The following LUZP2 variants were observed in gnomAD, a reference collection of about 807,000 sequenced individuals.
LUZP2 encodes leucine zipper protein 2.
LUZP2 carries 52 observed loss-of-function variants against 51.6 expected under a neutral mutation model. That is an observed-to-expected ratio of 1.01 (90% CI 0.81 to 1.27). The LOEUF is 1.27. Among genes scored for constraint, LUZP2 ranks in the 50% most tolerant of loss-of-function variants. The probability of loss-of-function intolerance (pLI) is 0.00; values close to 1 mark genes in which losing one functional copy is unlikely to be tolerated. For missense variants in LUZP2, 436 were observed against 395.4 expected, an observed-to-expected ratio of 1.10 and a Z score of -0.87; for synonymous variants, 154 against 137.3, an observed-to-expected ratio of 1.12 and a Z score of -0.85.
chr11:24,751,910 C>CA (rs1415498495), intron 4 of LUZP2, among the ~76,000 whole-genome samples: 5 of 151,522 alleles, frequency 3.3e-5, no homozygotes, highest in South Asian at 4.2e-4. Context: ...AAAAACAAAA[C>CA]AAAAAATCAT....
At chr11:24,813,308 T>C (rs1850075278) in intron 5 of LUZP2, among the ~76,000 whole-genome samples, 1 of 152,192 alleles carries the variant, frequency 6.6e-6, no homozygotes, top group Non-Finnish European at 1.5e-5. Context: ...TGTTGTTGCA[T>C]TGCTGTAAAG....
intron 8 of LUZP2, among the ~76,000 whole-genome samples, chr11:24,979,267 T>G (rs1855960882): frequency 6.6e-6 from 1 of 151,780 alleles, no homozygotes; most frequent in Admixed American, 6.6e-5. Flanking sequence ...TCACGCCTTT[T>G]AGTAACTATA....
At position 24,742,056 on chromosome 11, in the gene LUZP2, A is replaced by ATT. The variant is rs1491138765; in HGVS notation, c.333+3755_333+3756dup. On this transcript the variant is annotated intron_variant, in intron 4 of 11. Transcript: ENST00000336930. ...ATATAAATACATAAAAATAAATATA[A>ATT]TTATATATATATATATATATCACCA... Among the ~76,000 whole-genome samples, 32 of 81,132 alleles carry ATT rather than the reference A, an allele frequency of 3.9e-4. 2 individuals carry two copies. In the South Asian group the frequency reaches 4.3e-3, roughly 11 times the overall value. The allele number at this position is 81,132 out of a possible 152,430, so 53.2% of individuals were successfully genotyped here.
intron 9 of LUZP2, among the ~76,000 whole-genome samples, chr11:24,998,577 A>T (rs1228352778): frequency 4.6e-5 from 7 of 152,192 alleles, no homozygotes; most frequent in Non-Finnish European, 8.8e-5. Context: ...ACAGAACATG[A>T]TATTCAGGAA....
At chr11:24,891,929 G>C in intron 5 of LUZP2, 2 of 985,562 alleles carry the variant, frequency 2.0e-6, no homozygotes, top group Non-Finnish European at 2.4e-6. Context: ...TGGAAAAGAG[G>C]TGAAAAATGG....
At chr11:24,645,390 G>T (rs989231592) in intron 1 of LUZP2, among the ~76,000 whole-genome samples, 3 of 152,062 alleles carry the variant, frequency 2.0e-5, no homozygotes, top group Non-Finnish European at 4.4e-5. Context: ...ATATGGTATT[G>T]AATTATATGG....
At chr11:24,791,298 C>T (rs936698155) in intron 5 of LUZP2, among the ~76,000 whole-genome samples, 2 of 152,108 alleles carry the variant, frequency 1.3e-5, no homozygotes, top group African/African-American at 4.8e-5. Flanking sequence ...AAATCTTATT[C>T]AAAGTCAGAT....
chr11:24,729,146 C>T (rs773629569), intron 1 of LUZP2, 23 bp from the exon 2 acceptor site: 1 of 1,342,532 alleles, frequency 7.4e-7, no homozygotes, highest in Admixed American at 2.2e-5. Flanking sequence ...GGGGGGCTCT[C>T]ATGCCTGTTC....
At chr11:24,594,284 G>A (rs1472448684) in intron 1 of LUZP2, among the ~76,000 whole-genome samples, 1 of 152,144 alleles carries the variant, frequency 6.6e-6, no homozygotes. Flanking sequence ...ATCTTGGGCA[G>A]TGTTTTGACA....
At position 24,907,071 on chromosome 11, in the gene LUZP2, G is replaced by A. The variant is rs185386649; in HGVS notation, c.459+1018G>A. Among the ~76,000 whole-genome samples the A allele has an allele frequency of 3.1e-4, 47 of 152,248 alleles. 1 individual carries two copies. Among genetic ancestry groups the A allele is most frequent in the African/African-American group, 1.1e-3 (45 of 41,560 alleles). On this transcript the variant is annotated intron_variant, in intron 6 of 11. Coordinates refer to ENST00000336930, the MANE Select transcript of LUZP2 (RefSeq NM_001009909.4). ...CTCTTCCAGCAGGAAGGAAAGGGAA[G>A]ATAACCTGGTGAAGCACAAGCGTTG...
chr11:24,925,947 G>T (rs1173492114), intron 7 of LUZP2, among the ~76,000 whole-genome samples: 1 of 151,770 alleles, frequency 6.6e-6, no homozygotes, highest in Admixed American at 6.6e-5. Context: ...TTATGCATTT[G>T]CATCCTCCTA....
At chr11:25,016,764 A>C (rs1857172057) in intron 9 of LUZP2, among the ~76,000 whole-genome samples, 1 of 152,040 alleles carries the variant, frequency 6.6e-6, no homozygotes, top group Admixed American at 6.6e-5. Flanking sequence ...TCATATGATG[A>C]CTTTTTTTTC....
intron 1 of LUZP2, among the ~76,000 whole-genome samples, chr11:24,649,441 C>T (rs913959503): frequency 1.3e-5 from 2 of 151,952 alleles, no homozygotes; most frequent in South Asian, 2.1e-4. Flanking sequence ...ATGAAGTCCA[C>T]TTGAGTTTTA....
chr11:24,634,703 C>T (rs1389481820), intron 1 of LUZP2, among the ~76,000 whole-genome samples: 1 of 151,532 alleles, frequency 6.6e-6, no homozygotes, highest in East Asian at 1.9e-4. Context: ...ATTCTGTTTA[C>T]TCGTTTGCAT....
At chr11:24,972,809 G>A (rs1214934469) in intron 7 of LUZP2, among the ~76,000 whole-genome samples, 1 of 147,864 alleles carries the variant, frequency 6.8e-6, no homozygotes, top group Non-Finnish European at 1.5e-5. Flanking sequence ...TTTTTGATGT[G>A]CTGCTGGATT....
At chr11:24,892,375 C>T in intron 5 of LUZP2, 1 of 985,108 alleles carries the variant, frequency 1.0e-6, no homozygotes, top group Non-Finnish European at 1.2e-6. Context: ...CCTAAAAGTT[C>T]TTACAACTCT....
intron 5 of LUZP2, among the ~76,000 whole-genome samples, chr11:24,773,705 C>T (rs1167740621): frequency 1.3e-5 from 2 of 152,100 alleles, no homozygotes; most frequent in Non-Finnish European, 2.9e-5. Context: ...ACACATGTCT[C>T]ATGTCTCAGT....
Position 24,973,973 on chromosome 11 carries a change from G to T in LUZP2, c.523-2618G>T, listed in dbSNP as rs538902082. ...TCTGCTTGATCCAGAGCTGAGTTCA[G>T]TTCCTAATTATCTTTGTTAATTTTC... On this transcript the variant is annotated intron_variant, in intron 7 of 11. Coordinates refer to ENST00000336930, the MANE Select transcript of LUZP2 (RefSeq NM_001009909.4). 3.0e-4 allele frequency among the ~76,000 whole-genome samples: 45 copies of T among 151,990 alleles called. 1 individual carries two copies. Among genetic ancestry groups the T allele is most frequent in the African/African-American group, 1.1e-3 (44 of 41,512 alleles).
intron 5 of LUZP2, among the ~76,000 whole-genome samples, chr11:24,852,471 C>A (rs539161596): frequency 2.0e-5 from 3 of 152,218 alleles, no homozygotes; most frequent in East Asian, 3.9e-4. Context: ...GTCTGAGAGA[C>A]TGTTTGTTAT....
Sources: gnomAD v4.1 joint callset for allele counts (sites outside exome capture counted in the v4.1 genomes callset) on GRCh38, gnomAD v4.1.1 for gene constraint, MANE v1.5 for transcripts, NCBI Gene and HGNC (gene_info 2026-07-23, HGNC 2026-07-21) for gene names.